Variants in MTUS2 observed in about 807,000 individuals in gnomAD.
The protein encoded by MTUS2 is microtubule-associated tumor suppressor candidate 2.
In MTUS2, 40 loss-of-function variants were observed where a neutral mutation model predicts 114.1. That is an observed-to-expected ratio of 0.35 (90% CI 0.27 to 0.46). MTUS2 has a LOEUF of 0.46. MTUS2 is among the 20% of genes least tolerant of loss of function. The pLI, the probability that MTUS2 is intolerant of heterozygous loss-of-function variation, is 1.00. For missense variants in MTUS2, 1,679 were observed against 1,705.4 expected, an observed-to-expected ratio of 0.98 and a Z score of 0.27; for synonymous variants, 688 against 672.0, an observed-to-expected ratio of 1.02 and a Z score of -0.37.
chr13:28,828,914 G>T (rs952475706), intron 1 of MTUS2, among the ~76,000 whole-genome samples: 1 of 151,884 alleles, frequency 6.6e-6, no homozygotes, highest in East Asian at 1.9e-4. Context: ...TTAATATTTC[G>T]TTCATCATGG....
intron 8 of MTUS2, among the ~76,000 whole-genome samples, chr13:29,399,931 G>A (rs1014598029): frequency 6.6e-6 from 1 of 152,198 alleles, no homozygotes; most frequent in Non-Finnish European, 1.5e-5. Context: ...CCTAACCACC[G>A]TGTGGTGAAA....
chr13:29,183,273 A>T (rs946324667), intron 5 of MTUS2, among the ~76,000 whole-genome samples: 1 of 149,952 alleles, frequency 6.7e-6, no homozygotes, highest in South Asian at 2.1e-4. Flanking sequence ...AGAGAGAGAG[A>T]GTCAAGGAAG....
intron 2 of MTUS2, among the ~76,000 whole-genome samples, chr13:28,883,420 A>T (rs923125785): frequency 2.0e-5 from 3 of 152,348 alleles, no homozygotes; most frequent in Admixed American, 6.5e-5. Context: ...TAATGAGTGG[A>T]TAAACAACTG....
intron 8 of MTUS2, among the ~76,000 whole-genome samples, chr13:29,423,175 C>T (rs1876247486): frequency 6.6e-6 from 1 of 152,186 alleles, no homozygotes; most frequent in South Asian, 2.1e-4. Context: ...CTGAAAGCTC[C>T]AAGAGAAGGA....
intron 5 of MTUS2, among the ~76,000 whole-genome samples, chr13:29,203,168 C>T (rs1895033418): frequency 6.6e-6 from 1 of 152,206 alleles, no homozygotes; most frequent in South Asian, 2.1e-4. Context: ...ATCTATAAGC[C>T]CCTGACTGTG....
intron 2 of MTUS2, among the ~76,000 whole-genome samples, chr13:28,889,311 CA>C (rs1593273489): frequency 6.6e-6 from 1 of 152,212 alleles, no homozygotes; most frequent in African/African-American, 2.4e-5. Flanking sequence ...TTAAGATAAG[CA>C]TTGCCTACCC....
At chr13:29,159,992 G>A (rs1423974413) in intron 5 of MTUS2, among the ~76,000 whole-genome samples, 1 of 152,168 alleles carries the variant, frequency 6.6e-6, no homozygotes, top group Non-Finnish European at 1.5e-5. Context: ...GTATTCCCAG[G>A]CATTTATCCC....
At chr13:29,384,505 G>A (rs999218897) in intron 8 of MTUS2, among the ~76,000 whole-genome samples, 1 of 152,222 alleles carries the variant, frequency 6.6e-6, no homozygotes, top group Non-Finnish European at 1.5e-5. Flanking sequence ...GAGAAGCTCA[G>A]GCCAAGCTGG....
chr13:29,365,199 A>G (rs1870600314), intron 8 of MTUS2, among the ~76,000 whole-genome samples: 1 of 152,230 alleles, frequency 6.6e-6, no homozygotes, highest in Non-Finnish European at 1.5e-5. Context: ...TATTCCCAAT[A>G]TCAAGGGACA....
At chr13:29,336,054 C>G (rs1373199752) in intron 7 of MTUS2, among the ~76,000 whole-genome samples, 1 of 152,172 alleles carries the variant, frequency 6.6e-6, no homozygotes, top group Non-Finnish European at 1.5e-5. Flanking sequence ...ATGTTCTTCT[C>G]TAAACTGGTT....
At chr13:29,098,495 C>CAA (rs1399095282) in intron 4 of MTUS2, among the ~76,000 whole-genome samples, 1 of 152,144 alleles carries the variant, frequency 6.6e-6, no homozygotes, top group Non-Finnish European at 1.5e-5. Context: ...CACACACAAA[C>CAA]ACACAGCCCA....
chr13:29,386,444 G>A (rs1872637608), intron 8 of MTUS2, among the ~76,000 whole-genome samples: 1 of 152,156 alleles, frequency 6.6e-6, no homozygotes, highest in Non-Finnish European at 1.5e-5. Context: ...TCTAGGTGAG[G>A]GATGAGGACT....
chr13:28,981,604 G>C (rs1246595047), intron 2 of MTUS2, among the ~76,000 whole-genome samples: 4 of 152,214 alleles, frequency 2.6e-5, no homozygotes, highest in African/African-American at 9.6e-5. Context: ...AAAAAGTAGA[G>C]TTCCCAGTAT....
chr13:29,141,356 G>T (rs1202965595), intron 5 of MTUS2, among the ~76,000 whole-genome samples: 1 of 152,180 alleles, frequency 6.6e-6, no homozygotes, highest in African/African-American at 2.4e-5. Context: ...CTTCCTGAAG[G>T]TAAGCCTTAA....
intron 2 of MTUS2, among the ~76,000 whole-genome samples, chr13:28,993,853 A>G (rs965309724): frequency 6.6e-6 from 1 of 150,580 alleles, no homozygotes; most frequent in African/African-American, 2.4e-5. Context: ...ATTTCTTCTC[A>G]TTTTCATTTA....
intron 5 of MTUS2, among the ~76,000 whole-genome samples, chr13:29,216,052 G>C (rs928164516): frequency 2.6e-5 from 4 of 152,172 alleles, no homozygotes; most frequent in African/African-American, 9.6e-5. Context: ...TGGGGCTGCC[G>C]CCTTTCTTTC....
At chr13:29,188,719 A>G (rs1378623733) in intron 5 of MTUS2, among the ~76,000 whole-genome samples, 1 of 152,068 alleles carries the variant, frequency 6.6e-6, no homozygotes. Context: ...AAACATACAC[A>G]TATAAGCTTC....
intron 1 of MTUS2, among the ~76,000 whole-genome samples, chr13:28,821,433 A>G (rs998087806): frequency 7.9e-5 from 12 of 152,322 alleles, no homozygotes; most frequent in African/African-American, 2.6e-4. Context: ...CTATTGAATG[A>G]TTTTATTTTT....
At chr13:29,382,080 A>G (rs1872256257) in intron 8 of MTUS2, among the ~76,000 whole-genome samples, 1 of 152,184 alleles carries the variant, frequency 6.6e-6, no homozygotes, top group Non-Finnish European at 1.5e-5. Context: ...TCAAGTCACC[A>G]TGAACATAAA....
Sources: allele counts gnomAD v4.1 joint callset (sites outside exome capture counted in the v4.1 genomes callset), GRCh38; gene constraint gnomAD v4.1.1; transcripts MANE v1.5; gene names NCBI Gene and HGNC (gene_info 2026-07-23, HGNC 2026-07-21).